The following VGLL3 variants were observed in gnomAD, a reference collection of about 807,000 sequenced individuals.
VGLL3 encodes vestigial like family member 3.
A neutral mutation model predicts 29.2 loss-of-function variants in VGLL3; 18 were observed. The ratio of observed to expected loss-of-function variants is 0.62; its 90% CI spans 0.43 to 0.91. The LOEUF (loss-of-function observed/expected upper bound fraction) is 0.91, where lower values mean the gene tolerates loss of function less well. Among genes scored for constraint, VGLL3 ranks in the 40% least tolerant of loss-of-function variants. VGLL3 has a pLI of 0.00. For synonymous variants in VGLL3, 180 were observed against 151.8 expected, an observed-to-expected ratio of 1.19 and a Z score of -1.36; for missense variants, 440 against 413.2, an observed-to-expected ratio of 1.06 and a Z score of -0.56.
intron 2 of VGLL3, among the ~76,000 whole-genome samples, chr3:86,975,133 ATCACATTGCAACCAGAAGG>A (rs1310645801): frequency 2.0e-5 from 3 of 152,220 alleles, no homozygotes; most frequent in Non-Finnish European, 4.4e-5. Context: ...GTAATCCAAG[ATCACATTGCAACCAGAAGG>A]TAAAGGCTGG....
chr3:86,982,839 T>G (rs1468512692), intron 1 of VGLL3, among the ~76,000 whole-genome samples: 2 of 152,222 alleles, frequency 1.3e-5, no homozygotes, highest in East Asian at 3.8e-4. Flanking sequence ...TACATAGTTA[T>G]GACAATTTTT....
Position 86,947,027 on chromosome 3 carries a change from G to T in VGLL3, c.978C>A (p.Tyr326Ter). 1.3e-6 allele frequency: 1 copy of T among 780,576 alleles called. No homozygotes were observed. The highest frequency in any genetic ancestry group is 2.4e-6 in the Non-Finnish European group (1 of 417,818). 48.4% of individuals were successfully genotyped at this position (780,576 alleles called of 1,614,324 possible). ...TAACTCACTAAGATTGTGTGTTTCA[G>T]TACCACGGTGATTCCTTACTCTTGT... ...HQDKSKESPW[Y>*] The change falls in exon 4 of 4, where the codon TAC becomes TAA. Residue 326 changes from tyrosine (Y) to a stop codon, truncating the protein, a stop_gained. Transcript: ENST00000398399. LOFTEE classifies it high-confidence loss of function.
rs898680872 is a variant in VGLL3, at chr3:86,940,098, T to A, written c.*6926A>T. 1.9e-4 allele frequency: 29 copies of A among 152,260 alleles called. No individual in the cohort carries two copies. The highest frequency in any genetic ancestry group is 6.8e-4 in the African/African-American group (28 of 41,478). 9.4% of individuals were successfully genotyped at this position (152,260 alleles called of 1,614,324 possible). On this transcript the variant is annotated 3_prime_UTR_variant, in exon 4 of 4. Coordinates refer to ENST00000398399, the MANE Select transcript of VGLL3 (RefSeq NM_016206.4). ...CGCCAAATTATTTCATCTGTAATGC[T>A]GGAAAGTCTATTATTTAAATGCTGA...
At chr3:86,974,187 G>A (rs1225867472) in intron 2 of VGLL3, among the ~76,000 whole-genome samples, 1 of 150,422 alleles carries the variant, frequency 6.6e-6, no homozygotes, top group African/African-American at 2.4e-5. Flanking sequence ...GCATAATCTC[G>A]ACTCACTGCA....
At chr3:86,947,947 TTTTG>T (rs892372101) in intron 3 of VGLL3, among the ~76,000 whole-genome samples, 2 of 152,034 alleles carry the variant, frequency 1.3e-5, no homozygotes, top group African/African-American at 4.8e-5. Flanking sequence ...GTTACTTTTA[TTTTG>T]TTTTTTTTTT....
rs751239304 is a variant in VGLL3, at chr3:86,969,120, C to T, written c.407G>A (p.Ser136Asn). Residue 136 changes from serine to asparagine, a missense_variant, in exon 3 of 4, where the codon AGC becomes AAC. Physicochemically the swap from Ser to Asn is conservative, Grantham distance 46. Coordinates refer to ENST00000398399, the MANE Select transcript of VGLL3 (RefSeq NM_016206.4). ...ATTCCGCTGGCTTGAGAGAGCTGAG[C>T]TGTCTGAGAAGACAGAAAATAAAAA... ...KMGLTPLWRD[S>N]SALSSQRNSF... 8 of 1,579,670 alleles carry T rather than the reference C, an allele frequency of 5.1e-6. No homozygotes were observed. In the East Asian group the frequency reaches 1.6e-4, roughly 31 times the overall value.
chr3:86,988,639 C>A (rs901106496), intron 1 of VGLL3, among the ~76,000 whole-genome samples: 2 of 12,788 alleles, frequency 1.6e-4, no homozygotes, highest in Non-Finnish European at 5.1e-4. Flanking sequence ...CTTTACTTGA[C>A]CAAAAAAAAA....
At chr3:86,962,817 A>T (rs890501534) in intron 3 of VGLL3, 1 of 190,474 alleles carries the variant, frequency 5.3e-6, no homozygotes, top group Non-Finnish European at 8.7e-6. Context: ...GGAGTTTGAG[A>T]CCAGCCTGGC....
chr3:86,968,214 G>T (rs976361946), intron 3 of VGLL3, among the ~76,000 whole-genome samples: 1 of 152,148 alleles, frequency 6.6e-6, no homozygotes, highest in Non-Finnish European at 1.5e-5. Flanking sequence ...AGAAAGGAAA[G>T]AAAAATTACT....
rs1704410932 is a variant in VGLL3 at position 86,942,058 on chromosome 3, C to A, written c.*4966G>T. The A allele has an allele frequency of 6.6e-6, 1 of 151,996 alleles. No individual in the cohort carries two copies. The highest frequency in any genetic ancestry group is 6.6e-5 in the Admixed American group (1 of 15,236). The allele number at this position is 151,996 out of a possible 1,614,324, so 9.4% of individuals were successfully genotyped here. A position where few individuals can be genotyped will look rare whatever the true frequency, so the allele number is the denominator to read the frequency against. On this transcript the variant is annotated 3_prime_UTR_variant, in exon 4 of 4. Coordinates refer to ENST00000398399, the MANE Select transcript of VGLL3 (RefSeq NM_016206.4). Reference sequence around the variant, plus strand: ...AATGATTTTAATAACAGTTTCAATGCTTTAATAATAGATTTAAAGGGCACT... The same window carrying A: ...AATGATTTTAATAACAGTTTCAATGATTTAATAATAGATTTAAAGGGCACT...
chr3:86,941,303 G>A lies in VGLL3; in HGVS notation c.*5721C>T, dbSNP rs534176318. 9.2e-5 allele frequency: 14 copies of A among 151,936 alleles called. No individual in the cohort carries two copies. Among genetic ancestry groups the A allele is most frequent in the Admixed American group, 8.6e-4 (13 of 15,198 alleles). The allele number at this position is 151,936 out of a possible 1,614,324, so 9.4% of individuals were successfully genotyped here. On this transcript the variant is annotated 3_prime_UTR_variant, in exon 4 of 4. Coordinates refer to ENST00000398399, the MANE Select transcript of VGLL3 (RefSeq NM_016206.4). ...CATTATTAACTTTTGCTCTAGCCAC[G>A]GCATAGAAAGAAATGTACATCTCTA... is the stretch of plus-strand genomic sequence containing the variant.
At chr3:86,989,777 G>A (rs1420187314) in intron 1 of VGLL3, among the ~76,000 whole-genome samples, 1 of 151,934 alleles carries the variant, frequency 6.6e-6, no homozygotes, top group Non-Finnish European at 1.5e-5. Flanking sequence ...CACTAACTAA[G>A]CCTTGGCACA....
In VGLL3 at chr3:86,943,565, C is replaced by T. The variant is rs1010244779; in HGVS notation, c.*3459G>A. ...ATAAATCCCTCAATTATTTGCAATC[C>T]ACTCCTCATTTTGCAAATTTTAGAG... On this transcript the variant is annotated 3_prime_UTR_variant, in exon 4 of 4. Transcript: ENST00000398399. 1 of 151,888 alleles carries T rather than the reference C, an allele frequency of 6.6e-6. No individual in the cohort carries two copies. Among genetic ancestry groups the T allele is most frequent in the African/African-American group, 2.4e-5 (1 of 41,334 alleles). The allele number at this position is 151,888 out of a possible 1,614,324, so 9.4% of individuals were successfully genotyped here. A position where few individuals can be genotyped will look rare whatever the true frequency, so the allele number is the denominator to read the frequency against.
At chr3:86,977,630 C>A (rs760065398) in intron 2 of VGLL3, among the ~76,000 whole-genome samples, 3 of 152,212 alleles carry the variant, frequency 2.0e-5, no homozygotes, top group Non-Finnish European at 4.4e-5. Flanking sequence ...GATTGCCCCA[C>A]CCCAGAGCTT....
intron 2 of VGLL3, among the ~76,000 whole-genome samples, chr3:86,973,937 G>A (rs1705156324): frequency 6.6e-6 from 1 of 152,068 alleles, no homozygotes; most frequent in Admixed American, 6.6e-5. Flanking sequence ...CTTTTCTACA[G>A]ATACACACAG....
chr3:86,963,317 A>G (rs1704895143), intron 3 of VGLL3, among the ~76,000 whole-genome samples: 1 of 152,228 alleles, frequency 6.6e-6, no homozygotes, highest in Non-Finnish European at 1.5e-5. Context: ...AACATTACAC[A>G]AAGTGAAAAA....
Position 86,946,431 on chromosome 3 carries a change from A to T in VGLL3, c.*593T>A, listed in dbSNP as rs1282536703. On this transcript the variant is annotated 3_prime_UTR_variant, in exon 4 of 4. Coordinates refer to ENST00000398399, the MANE Select transcript of VGLL3 (RefSeq NM_016206.4). Reference sequence around the variant, plus strand: ...TTTGTAAGAAGGAAAAAAACAAAACATTTGAGGTAACCTAGAAAGCACAGA... The same window carrying T: ...TTTGTAAGAAGGAAAAAAACAAAACTTTTGAGGTAACCTAGAAAGCACAGA... The T allele has an allele frequency of 6.6e-6, 1 of 152,210 alleles. No individual in the cohort carries two copies. Among genetic ancestry groups the T allele is most frequent in the Non-Finnish European group, 1.5e-5 (1 of 68,026 alleles). 9.4% of individuals were successfully genotyped at this position (152,210 alleles called of 1,614,324 possible). A position where few individuals can be genotyped will look rare whatever the true frequency, so the allele number is the denominator to read the frequency against.
chr3:86,950,079 T>C (rs1302788376), intron 3 of VGLL3, among the ~76,000 whole-genome samples: 3 of 152,182 alleles, frequency 2.0e-5, no homozygotes, highest in African/African-American at 7.2e-5. Flanking sequence ...CTCCTATTCA[T>C]ACTTTTCTGC....
chr3:86,978,078 C>A (rs190565847), intron 2 of VGLL3, among the ~76,000 whole-genome samples: 70 of 152,270 alleles, frequency 4.6e-4, no homozygotes, highest in African/African-American at 1.6e-3. Context: ...GAAGCCTATT[C>A]AAAGAACACA....
Sources: allele counts gnomAD v4.1 joint callset (sites outside exome capture counted in the v4.1 genomes callset), GRCh38; gene constraint gnomAD v4.1.1; transcripts MANE v1.5; gene names NCBI Gene and HGNC (gene_info 2026-07-23, HGNC 2026-07-21).